The following ENTREP2 variants were observed in gnomAD, a reference collection of about 807,000 sequenced individuals.
The protein encoded by ENTREP2 is protein ENTREP2.
the ENTREP2 span, among the ~76,000 whole-genome samples, chr15:29,447,382 GCA>G: frequency 6.6e-6 from 1 of 152,210 alleles, no homozygotes; most frequent in Non-Finnish European, 1.5e-5. Flanking sequence ...GCTCTGCATA[GCA>G]CAGTCTTCGC....
At chr15:29,414,136 G>C in the ENTREP2 span, among the ~76,000 whole-genome samples, 1 of 152,088 alleles carries the variant, frequency 6.6e-6, no homozygotes, top group South Asian at 2.1e-4. Flanking sequence ...ACTCAGCTCT[G>C]CACCAAGCGG....
At chr15:29,220,976 T>C in the ENTREP2 span, among the ~76,000 whole-genome samples, 4 of 152,264 alleles carry the variant, frequency 2.6e-5, no homozygotes, top group East Asian at 7.7e-4. Flanking sequence ...TTTTAATTTT[T>C]CATTTCATGT....
chr15:29,258,605 C>T, the ENTREP2 span, among the ~76,000 whole-genome samples: 1 of 151,814 alleles, frequency 6.6e-6, no homozygotes, highest in Admixed American at 6.6e-5. Flanking sequence ...TACCTTTATT[C>T]CCATTTTTAT....
the ENTREP2 span, among the ~76,000 whole-genome samples, chr15:29,246,412 A>C: frequency 2.3e-5 from 3 of 128,802 alleles, no homozygotes; most frequent in East Asian, 7.1e-4. Context: ...AAAAAAAAAA[A>C]GGCTGGGCGC....
At chr15:29,158,333 C>G in the ENTREP2 span, among the ~76,000 whole-genome samples, 7 of 151,826 alleles carry the variant, frequency 4.6e-5, no homozygotes, top group Admixed American at 1.3e-4. Context: ...TCTAAGTAAC[C>G]GCAAACCACC....
the ENTREP2 span, among the ~76,000 whole-genome samples, chr15:29,314,064 T>C: frequency 6.6e-6 from 1 of 152,208 alleles, no homozygotes; most frequent in East Asian, 1.9e-4. Flanking sequence ...GGCTAAATTG[T>C]TGCAATCTCA....
chr15:29,654,521 A>T, the ENTREP2 span, among the ~76,000 whole-genome samples: 1 of 152,230 alleles, frequency 6.6e-6, no homozygotes, highest in Admixed American at 6.5e-5. Context: ...ATAAGAACTT[A>T]CATGAATTTT....
chr15:29,197,691 A>G, the ENTREP2 span, among the ~76,000 whole-genome samples: 2 of 151,808 alleles, frequency 1.3e-5, no homozygotes, highest in Admixed American at 6.6e-5. Context: ...GCTTGAACCC[A>G]GGATGCGGAG....
the ENTREP2 span, among the ~76,000 whole-genome samples, chr15:29,346,075 C>T: frequency 2.6e-5 from 4 of 152,178 alleles, no homozygotes; most frequent in Admixed American, 6.5e-5. Context: ...GCATCCCGCT[C>T]GGCGAACGAG....
chr15:29,269,208 CT>C, the ENTREP2 span: 1 of 1,614,186 alleles, frequency 6.2e-7, no homozygotes, highest in African/African-American at 1.3e-5. Context: ...CACCCCTCAT[CT>C]CGGCATCCTC....
the ENTREP2 span, among the ~76,000 whole-genome samples, chr15:29,660,813 T>G: frequency 1.3e-5 from 2 of 152,208 alleles, no homozygotes; most frequent in African/African-American, 2.4e-5. Context: ...CTATGAGGAC[T>G]TTTTTCAACC....
chr15:29,522,690 T>C, the ENTREP2 span, among the ~76,000 whole-genome samples: 1 of 152,136 alleles, frequency 6.6e-6, no homozygotes, highest in African/African-American at 2.4e-5. Flanking sequence ...TGGCAAAACA[T>C]GGCTGGAGCT....
the ENTREP2 span, among the ~76,000 whole-genome samples, chr15:29,571,309 C>T: frequency 6.6e-6 from 1 of 152,132 alleles, no homozygotes. Flanking sequence ...GCGGAGGGGC[C>T]CGATAGCGGC....
At chr15:29,493,125 CTT>C in the ENTREP2 span, among the ~76,000 whole-genome samples, 1 of 84,774 alleles carries the variant, frequency 1.2e-5, no homozygotes, top group African/African-American at 5.3e-5. Flanking sequence ...CCTGACAACC[CTT>C]TTTTTTTTTT....
chr15:29,521,441 A>G, the ENTREP2 span, among the ~76,000 whole-genome samples: 2 of 152,244 alleles, frequency 1.3e-5, no homozygotes, highest in African/African-American at 4.8e-5. Flanking sequence ...GAACTTCTGC[A>G]TATGTGGTTT....
chr15:29,371,025 G>A, the ENTREP2 span, among the ~76,000 whole-genome samples: 17 of 149,842 alleles, frequency 1.1e-4, no homozygotes, highest in East Asian at 1.9e-4. Flanking sequence ...CATTACTGTC[G>A]TTGTCATCAT....
At chr15:29,403,814 A>G in the ENTREP2 span, among the ~76,000 whole-genome samples, 5 of 152,140 alleles carry the variant, frequency 3.3e-5, no homozygotes, top group Admixed American at 1.3e-4. Flanking sequence ...ATTCTTGCCC[A>G]GAGAGCCCAG....
chr15:29,610,591 T>C, the ENTREP2 span: 8 of 150,710 alleles, frequency 5.3e-5, no homozygotes, highest in Non-Finnish European at 7.4e-5. Context: ...CTGATGTCCT[T>C]AAGCCATCAA....
At chr15:29,666,771 G>A in the ENTREP2 span, among the ~76,000 whole-genome samples, 1 of 152,160 alleles carries the variant, frequency 6.6e-6, no homozygotes, top group Admixed American at 6.5e-5. Context: ...GTTTCCCAGG[G>A]CTGCTGTAAC....
Sources: allele counts gnomAD v4.1 joint callset (sites outside exome capture counted in the v4.1 genomes callset), GRCh38; gene constraint gnomAD v4.1.1; transcripts MANE v1.5; gene names NCBI Gene and HGNC (gene_info 2026-07-23, HGNC 2026-07-21).